The following ATP9B variants were observed in gnomAD, a reference collection of about 807,000 sequenced individuals.
ATP9B encodes the protein ATPase phospholipid transporting 9B, also known as probable phospholipid-transporting ATPase IIB.
In ATP9B, 110 loss-of-function variants were observed where a neutral mutation model predicts 146.1. The ratio of observed to expected loss-of-function variants is 0.75; its 90% CI spans 0.65 to 0.88. The LOEUF (loss-of-function observed/expected upper bound fraction) is 0.88, where lower values mean the gene tolerates loss of function less well. Among genes scored for constraint, ATP9B ranks in the 40% least tolerant of loss-of-function variants. The pLI, the probability that ATP9B is intolerant of heterozygous loss-of-function variation, is 0.00. For synonymous variants in ATP9B, 604 were observed against 569.7 expected (o/e 1.06, Z -0.86); for missense variants, 1,499 against 1,496.4 (o/e 1.00, Z -0.03).
At chr18:79,176,166 G>T (rs897861454) in intron 7 of ATP9B, among the ~76,000 whole-genome samples, 1 of 152,066 alleles carries the variant, frequency 6.6e-6, no homozygotes, top group Non-Finnish European at 1.5e-5. Flanking sequence ...ACAGTCTTCT[G>T]TTATTATAAA....
chr18:79,243,858 A>T (rs1332285684), intron 11 of ATP9B, among the ~76,000 whole-genome samples: 1 of 152,208 alleles, frequency 6.6e-6, no homozygotes, highest in African/African-American at 2.4e-5. Context: ...TGTTTAGTAA[A>T]TTCCCTTGCA....
intron 6 of ATP9B, chr18:79,146,362 C>T: frequency 6.4e-6 from 1 of 157,038 alleles, no homozygotes; most frequent in Non-Finnish European, 1.2e-5. Flanking sequence ...GTGCACGCTG[C>T]ATGTCGGGGG....
intron 11 of ATP9B, among the ~76,000 whole-genome samples, chr18:79,243,776 T>G (rs1438351708): frequency 6.6e-6 from 1 of 152,226 alleles, no homozygotes; most frequent in African/African-American, 2.4e-5. Flanking sequence ...AAATGCTATG[T>G]TTAGTGTTTC....
intron 5 of ATP9B, among the ~76,000 whole-genome samples, chr18:79,141,790 C>T (rs555485517): frequency 3.3e-5 from 5 of 152,258 alleles, no homozygotes; most frequent in South Asian, 2.1e-4. Context: ...TTGTCAGCTC[C>T]GTCAACAAAG....
intron 13 of ATP9B, chr18:79,300,091 G>T (rs1391364226): frequency 6.6e-6 from 1 of 152,566 alleles, no homozygotes; most frequent in East Asian, 1.9e-4. Context: ...GTAGGTTAAA[G>T]AATGTTGGAG....
At chr18:79,342,644 T>C (rs1161233339) in intron 20 of ATP9B, among the ~76,000 whole-genome samples, 1 of 152,008 alleles carries the variant, frequency 6.6e-6, no homozygotes, top group African/African-American at 2.4e-5. Context: ...TAGATATTTT[T>C]AGCCACATAC....
chr18:79,367,103 C>T (rs1349545925), intron 26 of ATP9B, among the ~76,000 whole-genome samples: 1 of 140,220 alleles, frequency 7.1e-6, no homozygotes, highest in East Asian at 2.2e-4. Context: ...AGTGCCTCCT[C>T]AACCAGAGAG....
chr18:79,127,179 C>T (rs969680912), intron 5 of ATP9B, among the ~76,000 whole-genome samples: 3 of 152,136 alleles, frequency 2.0e-5, no homozygotes, highest in Admixed American at 6.5e-5. Context: ...TTATTTTTAA[C>T]ACCTTATTGG....
At chr18:79,195,041 G>A (rs2095406001) in intron 9 of ATP9B, among the ~76,000 whole-genome samples, 2 of 152,098 alleles carry the variant, frequency 1.3e-5, no homozygotes, top group South Asian at 4.1e-4. Context: ...GGCTTGGTTA[G>A]GAAGAAAAAG....
chr18:79,069,884 G>T (rs1318331480), intron 1 of ATP9B, among the ~76,000 whole-genome samples: 2 of 152,250 alleles, frequency 1.3e-5, no homozygotes, highest in Admixed American at 1.3e-4. Context: ...TCCGAAACTT[G>T]TTCTTGTAGC....
intron 11 of ATP9B, among the ~76,000 whole-genome samples, chr18:79,231,121 G>A (rs963258223): frequency 2.0e-5 from 3 of 152,064 alleles, no homozygotes; most frequent in Non-Finnish European, 4.4e-5. Flanking sequence ...GAACCCAAAA[G>A]CAAATGCAAC....
At chr18:79,229,658 T>A (rs2095771005) in intron 11 of ATP9B, among the ~76,000 whole-genome samples, 2 of 152,244 alleles carry the variant, frequency 1.3e-5, no homozygotes, top group Admixed American at 1.3e-4. Flanking sequence ...GTCAGGTTAC[T>A]GCTGCGTGTT....
intron 9 of ATP9B, among the ~76,000 whole-genome samples, chr18:79,199,108 C>T (rs1183064880): frequency 2.6e-5 from 4 of 152,002 alleles, no homozygotes; most frequent in African/African-American, 4.8e-5. Context: ...CGCACTGCCA[C>T]GCCGGGCTAA....
chr18:79,353,919 G>C (rs888329177), intron 25 of ATP9B: 1 of 152,158 alleles, frequency 6.6e-6, no homozygotes, highest in African/African-American at 2.4e-5. Context: ...CAAGTTTAAC[G>C]TAATAAAGAA....
At chr18:79,086,520 T>G (rs1409330337) in intron 1 of ATP9B, 1 of 151,500 alleles carries the variant, frequency 6.6e-6, no homozygotes, top group Non-Finnish European at 1.5e-5. Context: ...ACTTATTTTT[T>G]TTTTTACACC....
intron 4 of ATP9B, chr18:79,115,253 G>C (rs1221398766): frequency 1.5e-5 from 2 of 132,414 alleles, no homozygotes; most frequent in Non-Finnish European, 3.1e-5. Context: ...ACAAACCACT[G>C]CTCAAGGAAA....
At chr18:79,314,930 G>T (rs1167480955) in intron 15 of ATP9B, among the ~76,000 whole-genome samples, 3 of 152,256 alleles carry the variant, frequency 2.0e-5, no homozygotes, top group Non-Finnish European at 4.4e-5. Flanking sequence ...AGCGCTGAAG[G>T]CGTGGGGTGG....
Position 79,347,767 on chromosome 18 carries a change from C to T in ATP9B, c.2683-3C>T. ...GAAAAGGCCCCGTGTGCTTTTCTCT[C>T]AGGAGGGTAAACAGGCCTCGCTGGC... is the stretch of plus-strand genomic sequence containing the variant. On this transcript the variant is annotated splice_region_variant and splice_polypyrimidine_tract_variant and intron_variant, in intron 23 of 29. Coordinates refer to ENST00000426216, the MANE Select transcript of ATP9B (RefSeq NM_198531.5). The T allele has an allele frequency of 6.5e-7, 1 of 1,546,314 alleles. No individual in the cohort carries two copies. The highest frequency in any genetic ancestry group is 8.7e-7 in the Non-Finnish European group (1 of 1,148,100).
chr18:79,231,776 GTGTA>G (rs1450329307), intron 11 of ATP9B, among the ~76,000 whole-genome samples: 35 of 94,950 alleles, frequency 3.7e-4, no homozygotes, highest in East Asian at 8.0e-4. Flanking sequence ...ATGTGTGTGT[GTGTA>G]TATATATATA....
Sources: allele counts gnomAD v4.1 joint callset (sites outside exome capture counted in the v4.1 genomes callset), GRCh38; gene constraint gnomAD v4.1.1; transcripts MANE v1.5; gene names NCBI Gene and HGNC (gene_info 2026-07-23, HGNC 2026-07-21).